The following PHC2 variants were observed in gnomAD, a reference collection of about 807,000 sequenced individuals.
The protein encoded by PHC2 is polyhomeotic-like protein 2.
Under a neutral mutation model 87.4 loss-of-function variants are expected in PHC2, and 29 were observed. The observed-to-expected ratio is 0.33, with a 90% CI of 0.25 to 0.45. The LOEUF is 0.45. Ranked by LOEUF, PHC2 falls within the 20% of genes least tolerant of loss-of-function variation. The pLI is 1.00. For synonymous variants in PHC2, 438 were observed against 461.7 expected, an observed-to-expected ratio of 0.95 and a Z score of 0.66; for missense variants, 857 against 1,136.7, an observed-to-expected ratio of 0.75 and a Z score of 3.54.
chr1:33,423,504 AGAT>A (rs1650539129), intron 1 of PHC2, among the ~76,000 whole-genome samples: 1 of 152,236 alleles, frequency 6.6e-6, no homozygotes, highest in African/African-American at 2.4e-5. Context: ...CACTGTCACT[AGAT>A]GAACATCTAC....
At chr1:33,357,826 C>A (rs535348435) in intron 7 of PHC2, among the ~76,000 whole-genome samples, 2 of 152,302 alleles carry the variant, frequency 1.3e-5, no homozygotes, top group East Asian at 3.9e-4. Flanking sequence ...CATGTCACTG[C>A]AAATGCAACC....
chr1:33,324,718 G>A lies in PHC2; in HGVS notation c.*147C>T, dbSNP rs775778744. The stretch of plus-strand genomic sequence containing the variant: ...AAAGGCCCCTGAGAGCCATGGAGGA[G>A]GTGCCCAGACCTCCTCACCAGCTAT... On this transcript the variant is annotated 3_prime_UTR_variant, in exon 15 of 15. Coordinates refer to ENST00000683057, the MANE Select transcript of PHC2 (RefSeq NM_001385109.1). The A allele has an allele frequency of 5.5e-6, 4 of 733,678 alleles. No homozygotes were observed. Among genetic ancestry groups the A allele is most frequent in the Non-Finnish European group, 8.3e-6 (4 of 480,228 alleles). The allele number at this position is 733,678 out of a possible 1,614,324, so 45.4% of individuals were successfully genotyped here. A position where few individuals can be genotyped will look rare whatever the true frequency, so the allele number is the denominator to read the frequency against.
Position 33,349,408 on chromosome 1 carries a change from GGC to G in PHC2, c.1558+4991_1558+4992del. The G allele has an allele frequency of 1.0e-6, 1 of 985,302 alleles. No individual in the cohort carries two copies. Among genetic ancestry groups the G allele is most frequent in the Non-Finnish European group, 1.2e-6 (1 of 829,880 alleles). 61.0% of individuals were successfully genotyped at this position (985,302 alleles called of 1,614,324 possible). On this transcript the variant is annotated intron_variant, in intron 9 of 14. Coordinates refer to ENST00000683057, the MANE Select transcript of PHC2 (RefSeq NM_001385109.1). This position sits in a 1 kb window ranked among gnomAD's most constrained non-coding sequence, Gnocchi z 4.2. ...GGGCGACGGGCGCGCAGGGTCCCCA[GGC>G]GAGCGAGGCTGGGGAGCAGGGCACC... is the stretch of plus-strand genomic sequence containing the variant.
chr1:33,401,249 C>G (rs1156953781), intron 1 of PHC2, among the ~76,000 whole-genome samples: 3 of 152,066 alleles, frequency 2.0e-5, no homozygotes, highest in African/African-American at 7.2e-5. Flanking sequence ...TGGCGTGAAC[C>G]CAGGAGGTGG....
Position 33,349,802 on chromosome 1 carries a change from GGGGGCGCGAGGCC to G in PHC2, c.1558+4586_1558+4598del. ...GGCGGCCGGGGCGCGAGGCCGGGAC[GGGGGCGCGAGGCC>G]GGGGCGGGAGCGCGGGCGGCGGCCG... On this transcript the variant is annotated intron_variant, in intron 9 of 14. Coordinates refer to ENST00000683057, the MANE Select transcript of PHC2 (RefSeq NM_001385109.1). This position sits in a 1 kb window ranked among gnomAD's most constrained non-coding sequence, Gnocchi z 4.2. The G allele has an allele frequency of 1.0e-6, 1 of 976,260 alleles. No individual in the cohort carries two copies. The highest frequency in any genetic ancestry group is 1.2e-6 in the Non-Finnish European group (1 of 824,538). The allele number at this position is 976,260 out of a possible 1,614,324, so 60.5% of individuals were successfully genotyped here.
intron 7 of PHC2, chr1:33,358,772 A>G (rs1323044341): frequency 2.0e-5 from 3 of 152,188 alleles, no homozygotes; most frequent in Admixed American, 2.0e-4. Flanking sequence ...TTTACTGTTC[A>G]CTGTACCCTG....
At chr1:33,390,843 A>C (rs1649017075) in intron 1 of PHC2, among the ~76,000 whole-genome samples, 2 of 152,116 alleles carry the variant, frequency 1.3e-5, no homozygotes, top group African/African-American at 4.8e-5. Flanking sequence ...TTACATAAAC[A>C]AGTTGTGACC....
intron 1 of PHC2, among the ~76,000 whole-genome samples, chr1:33,403,195 C>T (rs1473602353): frequency 7.6e-6 from 1 of 132,268 alleles, no homozygotes; most frequent in Non-Finnish European, 1.6e-5. Flanking sequence ...GGTGCGATCT[C>T]GGCTCACTGC....
At chr1:33,395,458 A>G (rs941255784) in intron 1 of PHC2, among the ~76,000 whole-genome samples, 1 of 98,768 alleles carries the variant, frequency 1.0e-5, no homozygotes, top group Non-Finnish European at 2.4e-5. Context: ...AAAAATAAAT[A>G]AATAAATAAA....
At chr1:33,343,804 G>A (rs1340080635) in intron 9 of PHC2, among the ~76,000 whole-genome samples, 2 of 152,224 alleles carry the variant, frequency 1.3e-5, no homozygotes, top group Admixed American at 6.5e-5. Context: ...TTCCTCAGAC[G>A]TCTTGGTCTA....
intron 9 of PHC2, chr1:33,345,178 C>T (rs1646823417): frequency 6.6e-6 from 1 of 152,184 alleles, no homozygotes; most frequent in Non-Finnish European, 1.5e-5. Context: ...TCCTAATCTA[C>T]TGGAGAAGAG....
chr1:33,370,152 G>A (rs536256291), intron 5 of PHC2, among the ~76,000 whole-genome samples: 1 of 152,286 alleles, frequency 6.6e-6, no homozygotes, highest in African/African-American at 2.4e-5. Context: ...CTGATAAGGG[G>A]ACACTTCTGT....
intron 1 of PHC2, among the ~76,000 whole-genome samples, chr1:33,419,047 A>C (rs1279140415): frequency 6.6e-6 from 1 of 152,172 alleles, no homozygotes; most frequent in Non-Finnish European, 1.5e-5. Context: ...CAAGTTACCT[A>C]ACTTCTCTGT....
At chr1:33,386,627 C>T (rs1321390158) in intron 1 of PHC2, among the ~76,000 whole-genome samples, 2 of 152,178 alleles carry the variant, frequency 1.3e-5, no homozygotes, top group African/African-American at 4.8e-5. Flanking sequence ...CACAGGAGTT[C>T]ATGACCAGCC....
chr1:33,346,544 T>A, intron 9 of PHC2: 1 of 985,138 alleles, frequency 1.0e-6, no homozygotes, highest in Non-Finnish European at 1.2e-6. Context: ...GGGAGAAGTT[T>A]AATATAAATT....
intron 14 of PHC2, among the ~76,000 whole-genome samples, chr1:33,328,564 C>G (rs908656189): frequency 6.6e-6 from 1 of 151,992 alleles, no homozygotes; most frequent in African/African-American, 2.4e-5. Flanking sequence ...CTCTACCTGA[C>G]TCCCCTCCTA....
intron 1 of PHC2, among the ~76,000 whole-genome samples, chr1:33,384,702 C>T (rs558628893): frequency 5.3e-5 from 8 of 152,292 alleles, no homozygotes; most frequent in Middle Eastern, 3.4e-3. Context: ...TCAGCTATAA[C>T]GTCTGTTCCT....
chr1:33,367,378 C>A lies in PHC2; in HGVS notation c.714G>T (p.Ser238=), dbSNP rs142225642. ...RTQQTPAAAA[S]GPTPTQPVLP... ...GGACAGGCTGAGTGGGGGTGGGGCCCGAGGCTGCTGCCGCTGGTGTCTGCT... is the reference window on the plus strand; with the variant it reads ...GGACAGGCTGAGTGGGGGTGGGGCCAGAGGCTGCTGCCGCTGGTGTCTGCT... The change falls in exon 7 of 15, where the codon TCG becomes TCT. Residue 238 remains serine, a synonymous_variant. Coordinates refer to ENST00000683057, the MANE Select transcript of PHC2 (RefSeq NM_001385109.1). 1 of 1,603,946 alleles carries A rather than the reference C, an allele frequency of 6.2e-7. No homozygotes were observed. Among genetic ancestry groups the A allele is most frequent in the Non-Finnish European group, 8.5e-7 (1 of 1,173,134 alleles).
At position 33,349,787 on chromosome 1, in the gene PHC2, G is replaced by GCGCGAGGCCGGGA. The variant is rs1553184920; in HGVS notation, c.1558+4601_1558+4613dup. 1 of 978,266 alleles carries GCGCGAGGCCGGGA rather than the reference G, an allele frequency of 1.0e-6. No individual in the cohort carries two copies. Among genetic ancestry groups the GCGCGAGGCCGGGA allele is most frequent in the Non-Finnish European group, 1.2e-6 (1 of 826,288 alleles). The allele number at this position is 978,266 out of a possible 1,614,324, so 60.6% of individuals were successfully genotyped here. On this transcript the variant is annotated intron_variant, in intron 9 of 14. Transcript: ENST00000683057. This position sits in a 1 kb window ranked among gnomAD's most constrained non-coding sequence, Gnocchi z 4.2. ...CCGGCGTCAACAAAGGGCGGCCGGG[G>GCGCGAGGCCGGGA]CGCGAGGCCGGGACGGGGGCGCGAG...
Sources: allele counts gnomAD v4.1 joint callset (sites outside exome capture counted in the v4.1 genomes callset), GRCh38; gene constraint gnomAD v4.1.1; non-coding constraint Gnocchi (gnomAD v3.1); transcripts MANE v1.5; gene names NCBI Gene and HGNC (gene_info 2026-07-23, HGNC 2026-07-21).